RAMP1: variants seen among roughly 807,000 people sequenced by gnomAD.
The protein encoded by RAMP1 is receptor activity-modifying protein 1.
In RAMP1, 7 loss-of-function variants were observed where a neutral mutation model predicts 8.2. That is an observed-to-expected ratio of 0.85 (90% CI 0.49 to 1.60). The LOEUF is 1.60. Ranked by LOEUF, RAMP1 falls within the 40% of genes most tolerant of loss-of-function variation. The pLI is 0.00. For missense variants in RAMP1, 192 were observed against 202.4 expected (o/e 0.95, Z 0.31); for synonymous variants, 92 against 84.7 (o/e 1.09, Z -0.47).
At position 237,859,631 on chromosome 2, in the gene RAMP1, G is replaced by C; in HGVS notation, c.-45G>C. ...CGCGCCGCGGCGGGCTCAGTCCTCA[G>C]CGGGGCGCGTGGCGAGCGGACTCGA... On this transcript the variant is annotated 5_prime_UTR_variant, in exon 1 of 3. Coordinates refer to ENST00000254661, the MANE Select transcript of RAMP1 (RefSeq NM_005855.4). 1 of 1,399,964 alleles carries C rather than the reference G, an allele frequency of 7.1e-7. No homozygotes were observed. Among genetic ancestry groups the C allele is most frequent in the Non-Finnish European group, 9.3e-7 (1 of 1,071,852 alleles). 86.7% of individuals were successfully genotyped at this position (1,399,964 alleles called of 1,614,324 possible).
intron 1 of RAMP1, among the ~76,000 whole-genome samples, chr2:237,867,095 C>G (rs907012927): frequency 6.6e-6 from 1 of 152,098 alleles, no homozygotes; most frequent in African/African-American, 2.4e-5. Context: ...TTAGACCCAG[C>G]ATGGTATCTC....
chr2:237,886,777 C>T (rs145877544), intron 2 of RAMP1, among the ~76,000 whole-genome samples: 46 of 152,366 alleles, frequency 3.0e-4, no homozygotes, highest in Middle Eastern at 3.4e-3. Flanking sequence ...TTCACATCCT[C>T]CTGAGTATGG....
Position 237,877,848 on chromosome 2 carries a change from G to T in RAMP1, c.191+486G>T, listed in dbSNP as rs932746682. 28 of 568,490 alleles carry T rather than the reference G, an allele frequency of 4.9e-5. No homozygotes were observed. The African/African-American group carries it at 5.5e-4, about 11-fold the overall frequency. 35.2% of individuals were successfully genotyped at this position (568,490 alleles called of 1,614,324 possible). A position where few individuals can be genotyped will look rare whatever the true frequency, so the allele number is the denominator to read the frequency against. ...TGTCACCACCCACAGCCCCCAGCAG[G>T]ACGGCTTCAGCCGAACCCTTCCCCA... On this transcript the variant is annotated intron_variant, in intron 2 of 2. Coordinates refer to ENST00000254661, the MANE Select transcript of RAMP1 (RefSeq NM_005855.4). The surrounding 1 kb of genome is among the most constrained non-coding windows in gnomAD (Gnocchi z 4.4).
intron 2 of RAMP1, among the ~76,000 whole-genome samples, chr2:237,899,538 A>G (rs1319787367): frequency 6.6e-6 from 1 of 152,220 alleles, no homozygotes; most frequent in Non-Finnish European, 1.5e-5. Flanking sequence ...GTGATTTTGT[A>G]GTAACAGGTT....
chr2:237,910,525 T>TCA (rs1283017821), intron 2 of RAMP1, among the ~76,000 whole-genome samples: 4 of 136,740 alleles, frequency 2.9e-5, no homozygotes, highest in Admixed American at 7.2e-5. Flanking sequence ...ATATACATAG[T>TCA]CACACACACA....
At chr2:237,895,442 AC>A (rs2062531932) in intron 2 of RAMP1, among the ~76,000 whole-genome samples, 1 of 151,886 alleles carries the variant, frequency 6.6e-6, no homozygotes, top group African/African-American at 2.4e-5. Context: ...CACAGTGAAC[AC>A]CCCACGTTGG....
chr2:237,874,381 C>CCGCA (rs1489033446), intron 1 of RAMP1, among the ~76,000 whole-genome samples: 1 of 152,246 alleles, frequency 6.6e-6, no homozygotes, highest in African/African-American at 2.4e-5. Flanking sequence ...AGCTCGGCCT[C>CCGCA]CGCACGGGGA....
chr2:237,910,285 C>A (rs775139459), intron 2 of RAMP1, among the ~76,000 whole-genome samples: 2 of 151,348 alleles, frequency 1.3e-5, no homozygotes, highest in African/African-American at 4.9e-5. Context: ...CAGTCACACA[C>A]CCACAGACAA....
chr2:237,907,782 C>T (rs774600643), intron 2 of RAMP1, among the ~76,000 whole-genome samples: 6 of 152,184 alleles, frequency 3.9e-5, no homozygotes, highest in Admixed American at 6.5e-5. Context: ...ACATCTAGGT[C>T]GTCTCTGAGT....
At chr2:237,903,188 T>C (rs2062622212) in intron 2 of RAMP1, among the ~76,000 whole-genome samples, 1 of 152,200 alleles carries the variant, frequency 6.6e-6, no homozygotes. Context: ...TTTTTCCACA[T>C]CTTAAAATTT....
At chr2:237,872,631 C>T (rs1192462175) in intron 1 of RAMP1, among the ~76,000 whole-genome samples, 1 of 152,196 alleles carries the variant, frequency 6.6e-6, no homozygotes, top group Non-Finnish European at 1.5e-5. Context: ...CCAGGGATTG[C>T]ATCCAGGCTG....
chr2:237,891,595 C>A (rs907326318), intron 2 of RAMP1, among the ~76,000 whole-genome samples: 6 of 152,082 alleles, frequency 3.9e-5, no homozygotes, highest in African/African-American at 1.4e-4. Flanking sequence ...GGAAATGTAG[C>A]CTGAATCATT....
chr2:237,884,022 C>T (rs774053077), intron 2 of RAMP1, among the ~76,000 whole-genome samples: 3 of 150,038 alleles, frequency 2.0e-5, no homozygotes, highest in South Asian at 2.1e-4. Context: ...TGCTGGGTTC[C>T]GACAGCCCTT....
chr2:237,870,334 G>A (rs1305146386), intron 1 of RAMP1, among the ~76,000 whole-genome samples: 1 of 152,222 alleles, frequency 6.6e-6, no homozygotes, highest in Admixed American at 6.5e-5. Context: ...GGGGTGGTGT[G>A]GGAGCACCCA....
intron 2 of RAMP1, among the ~76,000 whole-genome samples, chr2:237,885,803 T>G (rs2062423381): frequency 3.9e-5 from 6 of 152,144 alleles, no homozygotes; most frequent in Admixed American, 3.9e-4. Context: ...CCCCACCCTC[T>G]GCCCCCCCTG....
In RAMP1 at chr2:237,878,734, G is replaced by A. The variant is rs539795134; in HGVS notation, c.191+1372G>A. On this transcript the variant is annotated intron_variant, in intron 2 of 2. Transcript: ENST00000254661. The surrounding 1 kb of genome is among the most constrained non-coding windows in gnomAD (Gnocchi z 5.7). ...GTGCTCAGTGCACTGTTGTTGAGGC[G>A]ACTCTGTACCTTGGGAGCCCAAACT... 2.0e-5 allele frequency among the ~76,000 whole-genome samples: 3 copies of A among 152,360 alleles called. No homozygotes were observed. The highest frequency in any genetic ancestry group is 1.9e-4 in the East Asian group (1 of 5,196).
At chr2:237,859,339 C>T (rs1488461032), upstream of RAMP1, among the ~76,000 whole-genome samples, 1 of 152,218 alleles carries the variant, frequency 6.6e-6, no homozygotes, top group Non-Finnish European at 1.5e-5. Context: ...GTGCCCCTCA[C>T]GCTGAGTCGT....
At chr2:237,861,196 A>G (rs898406220) in intron 1 of RAMP1, among the ~76,000 whole-genome samples, 3 of 152,222 alleles carry the variant, frequency 2.0e-5, no homozygotes, top group Non-Finnish European at 2.9e-5. Context: ...ACGATCACAT[A>G]TAAAGACCTT....
At chr2:237,910,943 TCACA>T (rs199829433) in intron 2 of RAMP1, among the ~76,000 whole-genome samples, 7,528 of 146,628 alleles carry the variant, frequency 0.051, 616 homozygotes, top group African/African-American at 0.18. Context: ...AGAATAACAG[TCACA>T]CACACAGAGT....
Sources: gnomAD v4.1 joint callset for allele counts (sites outside exome capture counted in the v4.1 genomes callset) on GRCh38, gnomAD v4.1.1 for gene constraint, Gnocchi (gnomAD v3.1) non-coding constraint, MANE v1.5 for transcripts, NCBI Gene and HGNC (gene_info 2026-07-23, HGNC 2026-07-21) for gene names.